Variants in LRBA observed in about 807,000 individuals in gnomAD.
LRBA encodes lipopolysaccharide-responsive and beige-like anchor protein.
A neutral mutation model predicts 330.0 loss-of-function variants in LRBA; 176 were observed. The observed-to-expected ratio is 0.53, with a 90% CI of 0.47 to 0.60. LRBA has a LOEUF of 0.60. Among genes scored for constraint, LRBA ranks in the 20% least tolerant of loss-of-function variants. LRBA has a pLI of 0.00. For missense variants in LRBA, 3,259 were observed against 3,444.8 expected (o/e 0.95, Z 1.35); for synonymous variants, 1,230 against 1,193.0 (o/e 1.03, Z -0.64).
chr4:150,733,607 C>T (rs544105550), intron 36 of LRBA, among the ~76,000 whole-genome samples: 17 of 151,718 alleles, frequency 1.1e-4, no homozygotes, highest in African/African-American at 4.1e-4. Flanking sequence ...CACCTCAAGA[C>T]CCCAAGACAG....
intron 37 of LRBA, among the ~76,000 whole-genome samples, chr4:150,664,559 A>C (rs1781403668): frequency 1.3e-5 from 2 of 152,176 alleles, no homozygotes; most frequent in Admixed American, 6.5e-5. Flanking sequence ...TATATAATCC[A>C]AAAACTCCTA....
At chr4:150,565,007 C>T (rs1309183366) in intron 40 of LRBA, among the ~76,000 whole-genome samples, 1 of 151,840 alleles carries the variant, frequency 6.6e-6, no homozygotes, top group Non-Finnish European at 1.5e-5. Context: ...GGAATTTGAC[C>T]CAGCAATCCC....
At chr4:150,459,735 T>C (rs1332114168) in intron 44 of LRBA, among the ~76,000 whole-genome samples, 2 of 152,050 alleles carry the variant, frequency 1.3e-5, no homozygotes, top group Non-Finnish European at 2.9e-5. Flanking sequence ...CAATGTAATT[T>C]ATATCATAAT....
At chr4:150,803,825 C>A (rs1049654253) in intron 33 of LRBA, among the ~76,000 whole-genome samples, 5 of 152,096 alleles carry the variant, frequency 3.3e-5, no homozygotes, top group African/African-American at 1.2e-4. Context: ...TTCCTTCTTA[C>A]AATTTTACCA....
chr4:150,916,407 T>C lies in LRBA; in HGVS notation c.888A>G (p.Pro296=), dbSNP rs1732589402. 3 of 1,613,038 alleles carry C rather than the reference T, an allele frequency of 1.9e-6. No individual in the cohort carries two copies. The highest frequency in any genetic ancestry group is 2.5e-6 in the Non-Finnish European group (3 of 1,179,664). ...FQHCVKFDFK[P]QKWYMVTIVH... is the part of the protein sequence containing the mutation. ...ACTCAAGAAGATCATGTACCTTTTG[T>C]GGCTTGAAATCAAATTTCACACAGT... The change falls in exon 7 of 57, where the codon CCA becomes CCG. Residue 296 remains proline (P), a synonymous_variant. Coordinates refer to ENST00000651943, the MANE Select transcript of LRBA (RefSeq NM_001364905.1).
intron 2 of LRBA, among the ~76,000 whole-genome samples, chr4:150,958,459 A>G (rs1027001484): frequency 8.7e-5 from 13 of 149,190 alleles, no homozygotes; most frequent in Non-Finnish European, 1.9e-4. Flanking sequence ...CCAGGACTCC[A>G]GGCCTGTGAT....
chr4:150,613,206 G>A lies in LRBA; in HGVS notation c.5922-14075C>T, dbSNP rs535022577. Among the ~76,000 whole-genome samples, 8 of 152,120 alleles carry A rather than the reference G, an allele frequency of 5.3e-5. No homozygotes were observed. In the South Asian group the frequency reaches 1.2e-3, roughly 24 times the overall value. On this transcript the variant is annotated intron_variant, in intron 37 of 56. Coordinates refer to ENST00000651943, the MANE Select transcript of LRBA (RefSeq NM_001364905.1). ...AACAATGAGTAAAGACAGGAGATTC[G>A]GTCATTTGGTGATAGAAAGTCATTA...
At chr4:150,303,936 C>CACA (rs1372528955) in intron 52 of LRBA, among the ~76,000 whole-genome samples, 1 of 152,172 alleles carries the variant, frequency 6.6e-6, no homozygotes, top group Non-Finnish European at 1.5e-5. Context: ...ACAAACTTGT[C>CACA]TAAACAATTA....
chr4:150,269,677 G>T (rs547080050), intron 56 of LRBA, among the ~76,000 whole-genome samples: 90 of 152,276 alleles, frequency 5.9e-4, no homozygotes, highest in Non-Finnish European at 1.2e-3. Flanking sequence ...AGGTATAGTG[G>T]CTTATGGCTA....
At chr4:150,312,303 C>T (rs1338826924) in intron 51 of LRBA, among the ~76,000 whole-genome samples, 1 of 152,008 alleles carries the variant, frequency 6.6e-6, no homozygotes, top group African/African-American at 2.4e-5. Context: ...GGTATGCATA[C>T]CCCTGGAGGT....
intron 48 of LRBA, among the ~76,000 whole-genome samples, chr4:150,348,853 C>CACCTCAAT (rs1182447892): frequency 6.6e-6 from 1 of 152,134 alleles, no homozygotes; most frequent in Non-Finnish European, 1.5e-5. Context: ...ATGTTGCTCT[C>CACCTCAAT]ACCTCAATAC....
At chr4:150,706,995 T>A (rs1402392715) in intron 36 of LRBA, among the ~76,000 whole-genome samples, 1 of 151,728 alleles carries the variant, frequency 6.6e-6, no homozygotes, top group Non-Finnish European at 1.5e-5. Flanking sequence ...AGTATAAAAA[T>A]TCTTCAGAAA....
chr4:150,992,231 G>A (rs560238905), intron 2 of LRBA, among the ~76,000 whole-genome samples: 2 of 151,554 alleles, frequency 1.3e-5, no homozygotes, highest in East Asian at 2.0e-4. Context: ...CTAGAAAATC[G>A]CTTGAACTCG....
chr4:150,271,018 G>A (rs1394225118), intron 56 of LRBA, among the ~76,000 whole-genome samples: 1 of 152,174 alleles, frequency 6.6e-6, no homozygotes, highest in African/African-American at 2.4e-5. Flanking sequence ...GGTTCATCTC[G>A]TTGGGACTGG....
chr4:150,527,613 G>A (rs923111456), intron 40 of LRBA, among the ~76,000 whole-genome samples: 1 of 152,164 alleles, frequency 6.6e-6, no homozygotes, highest in Admixed American at 6.5e-5. Context: ...CAATCTGAGA[G>A]GTTGGAGCAG....
chr4:150,780,618 C>CAT (rs1263037755), intron 34 of LRBA, among the ~76,000 whole-genome samples: 1 of 147,166 alleles, frequency 6.8e-6, no homozygotes, highest in East Asian at 2.0e-4. Flanking sequence ...TATATATATA[C>CAT]ATATATATAC....
At chr4:150,534,434 T>A (rs1291567129) in intron 40 of LRBA, among the ~76,000 whole-genome samples, 1 of 151,206 alleles carries the variant, frequency 6.6e-6, no homozygotes, top group Non-Finnish European at 1.5e-5. Context: ...TATACAAAGC[T>A]ACCCTCCTTT....
chr4:150,865,362 A>T (rs1752534705), intron 22 of LRBA, among the ~76,000 whole-genome samples: 1 of 152,218 alleles, frequency 6.6e-6, no homozygotes, highest in South Asian at 2.1e-4. Flanking sequence ...TGTAACATGT[A>T]TGATTATCCT....
At chr4:150,529,818 C>T (rs1056577988) in intron 40 of LRBA, among the ~76,000 whole-genome samples, 2 of 151,982 alleles carry the variant, frequency 1.3e-5, no homozygotes, top group Admixed American at 1.3e-4. Flanking sequence ...ATGGAAAATT[C>T]GAAACATACA....
Sources: allele counts gnomAD v4.1 joint callset (sites outside exome capture counted in the v4.1 genomes callset), GRCh38; gene constraint gnomAD v4.1.1; transcripts MANE v1.5; gene names NCBI Gene and HGNC (gene_info 2026-07-23, HGNC 2026-07-21).